The following NAV1 variants were observed in gnomAD, a reference collection of about 807,000 sequenced individuals.
NAV1 encodes neuron navigator 1.
Under a neutral mutation model 175.2 loss-of-function variants are expected in NAV1, and 18 were observed. The observed-to-expected ratio is 0.10, with a 90% confidence interval of 0.07 to 0.15. NAV1 has a LOEUF of 0.15. Ranked by LOEUF, NAV1 falls within the 10% of genes least tolerant of loss-of-function variation. The pLI, the probability that NAV1 is intolerant of heterozygous loss-of-function variation, is 1.00. For missense variants in NAV1, 1,731 were observed against 2,436.6 expected (o/e 0.71, Z 6.10); for synonymous variants, 897 against 978.7 (o/e 0.92, Z 1.56).
intron 1 of NAV1, among the ~76,000 whole-genome samples, chr1:201,711,127 C>A (rs1671887069): frequency 6.6e-6 from 1 of 152,252 alleles, no homozygotes; most frequent in African/African-American, 2.4e-5. Flanking sequence ...GATAAATAGG[C>A]ATTGGCGGCC....
Position 201,577,402 on chromosome 1 carries a change from A to G in NAV1, c.-143-11137A>G, listed in dbSNP as rs1479191673. 4.0e-5 allele frequency among the ~76,000 whole-genome samples: 6 copies of G among 148,382 alleles called. No individual in the cohort carries two copies. The Admixed American group carries it at 4.0e-4, about 10-fold the overall frequency. On this transcript the variant is annotated intron_variant, in intron 1 of 33. Coordinates refer to the NAV1 transcript ENST00000685211. ...TAAAATATTTTTTCCTCAAAGTTTT[A>G]TATTTTTATGTTTCGCATTTAAACA...
intron 2 of NAV1, among the ~76,000 whole-genome samples, chr1:201,609,668 C>A (rs1034629394): frequency 6.6e-6 from 1 of 152,168 alleles, no homozygotes; most frequent in African/African-American, 2.4e-5. Flanking sequence ...GGTCATCTGG[C>A]TGGCGGCTTG....
At chr1:201,696,620 G>T (rs532442119) in intron 1 of NAV1, among the ~76,000 whole-genome samples, 17 of 152,320 alleles carry the variant, frequency 1.1e-4, no homozygotes, top group African/African-American at 4.1e-4. Flanking sequence ...TGCAGTGGAG[G>T]ACAGGCTTCA....
intron 1 of NAV1, among the ~76,000 whole-genome samples, chr1:201,653,679 G>T (rs1289419696): frequency 2.0e-5 from 3 of 152,204 alleles, no homozygotes; most frequent in Non-Finnish European, 4.4e-5. Flanking sequence ...TAGGTGATAT[G>T]TGGAAACTTA....
intron 3 of NAV1, among the ~76,000 whole-genome samples, chr1:201,752,918 T>A (rs1428098600): frequency 6.6e-6 from 1 of 152,162 alleles, no homozygotes; most frequent in Non-Finnish European, 1.5e-5. Context: ...ACCACTGTAA[T>A]TTACATGTTG....
At chr1:201,566,941 CAT>C (rs1282990655) in intron 1 of NAV1, among the ~76,000 whole-genome samples, 9 of 152,068 alleles carry the variant, frequency 5.9e-5, no homozygotes, top group Non-Finnish European at 1.2e-4. Context: ...AATATTATTT[CAT>C]ATGTATGTAC....
chr1:201,812,344 A>T lies in NAV1; in HGVS notation c.5025-121A>T. Reference sequence around the variant, plus strand: ...GTTCCGATGTCCCCACTATTACTTGAAAAGAAACCAAGTAGGCATTAGTGA... The same window carrying T: ...GTTCCGATGTCCCCACTATTACTTGTAAAGAAACCAAGTAGGCATTAGTGA... On this transcript the variant is annotated intron_variant, in intron 26 of 29. Transcript: ENST00000367296. This position sits in a 1 kb window ranked among gnomAD's most constrained non-coding sequence, Gnocchi z 4.6. 1 of 1,001,550 alleles carries T rather than the reference A, an allele frequency of 1.0e-6. No homozygotes were observed. The highest frequency in any genetic ancestry group is 2.5e-5 in the East Asian group (1 of 40,364). 62.0% of individuals were successfully genotyped at this position (1,001,550 alleles called of 1,614,324 possible).
At chr1:201,765,581 G>A (rs1675166045) in intron 3 of NAV1, among the ~76,000 whole-genome samples, 1 of 151,952 alleles carries the variant, frequency 6.6e-6, no homozygotes, top group South Asian at 2.1e-4. Context: ...TTTTAGTAGA[G>A]ACGGGGTTTC....
chr1:201,826,330 T>C (rs1294447857), exon 30 of NAV1: 3 of 152,214 alleles, frequency 2.0e-5, no homozygotes, highest in Non-Finnish European at 4.4e-5. Flanking sequence ...GAAGATGATA[T>C]CAAGGCAGAG....
intron 2 of NAV1, among the ~76,000 whole-genome samples, chr1:201,642,560 C>CTTTCTTT (rs1491393436): frequency 6.1e-5 from 2 of 32,890 alleles, no homozygotes; most frequent in African/African-American, 2.2e-4. Context: ...TTTCTTTTTT[C>CTTTCTTT]CCTTTCTTCC....
At chr1:201,584,603 C>A (rs1225511391) in intron 1 of NAV1, among the ~76,000 whole-genome samples, 1 of 152,198 alleles carries the variant, frequency 6.6e-6, no homozygotes, top group African/African-American at 2.4e-5. Context: ...CTGGTTCCAG[C>A]TTGTGATGTG....
intron 1 of NAV1, among the ~76,000 whole-genome samples, chr1:201,700,354 CATCAGAGAAATGCAA>C (rs1481547623): frequency 9.2e-5 from 14 of 152,170 alleles, no homozygotes; most frequent in Non-Finnish European, 2.1e-4. Flanking sequence ...ATCACTGGGT[CATCAGAGAAATGCAA>C]ATCAAAACCA....
chr1:201,798,695 C>CTCT (rs1243121955), intron 15 of NAV1: 31 of 69,510 alleles, frequency 4.5e-4, no homozygotes, highest in African/African-American at 1.4e-3. Context: ...TTTTCTCTCT[C>CTCT]TTTTTTTTTT....
intron 22 of NAV1, 48 bp from the exon 27 acceptor site, chr1:201,809,898 A>G: frequency 6.5e-7 from 1 of 1,549,418 alleles, no homozygotes; most frequent in South Asian, 1.1e-5. Context: ...TGGCTTTTAC[A>G]CCTGTGTTTG....
intron 2 of NAV1, among the ~76,000 whole-genome samples, chr1:201,642,525 TTTTC>T (rs762452787): frequency 0.035 from 3,562 of 100,398 alleles, 204 homozygotes; most frequent in African/African-American, 0.086. Flanking sequence ...TTCTTTCTTT[TTTTC>T]TTTCTTTCTT....
Position 201,810,646 on chromosome 1 carries a change from C to T in NAV1, c.4685C>T (p.Thr1562Met), listed in dbSNP as rs958041251. ...CTCGTCCTCTCGGGCCCCAGCGGCA[C>T]GGGCAAGACCTACCTGACCAATCGC... Residue 1562 changes from threonine (T) to methionine (M), a missense_variant, in exon 24 of 30, where the codon ACG (threonine) becomes ATG (methionine). Transcript: ENST00000367296. The surrounding 1 kb of genome is among the most constrained non-coding windows in gnomAD (Gnocchi z 6.0). The T allele has an allele frequency of 6.2e-7, 1 of 1,614,172 alleles. No individual in the cohort carries two copies. The highest frequency in any genetic ancestry group is 8.5e-7 in the Non-Finnish European group (1 of 1,180,022).
rs1460881250 is a variant in NAV1, at chr1:201,790,682, T to C, written c.3244-7T>C. ...GCCAGTAGTTTGTATTTCTCTTCCTTTTACAGCAAATCCGGAAGCTTCGTA... is the reference window on the plus strand; with the variant it reads ...GCCAGTAGTTTGTATTTCTCTTCCTCTTACAGCAAATCCGGAAGCTTCGTA... On this transcript the variant is annotated splice_polypyrimidine_tract_variant and splice_region_variant and intron_variant, in intron 12 of 29. Transcript: ENST00000367296. 1 of 1,613,982 alleles carries C rather than the reference T, an allele frequency of 6.2e-7. No individual in the cohort carries two copies. Among genetic ancestry groups the C allele is most frequent in the African/African-American group, 1.3e-5 (1 of 74,900 alleles).
chr1:201,595,183 C>T (rs1318497489), intron 2 of NAV1, among the ~76,000 whole-genome samples: 3 of 152,156 alleles, frequency 2.0e-5, no homozygotes, highest in Non-Finnish European at 4.4e-5. Context: ...AATCTCAGGC[C>T]GAGCTAAGGT....
chr1:201,571,537 G>A (rs931462793), intron 1 of NAV1, among the ~76,000 whole-genome samples: 3 of 152,210 alleles, frequency 2.0e-5, no homozygotes, highest in Admixed American at 6.5e-5. Flanking sequence ...CCCCCACCAT[G>A]ATGAGATCAC....
Sources: allele counts gnomAD v4.1 joint callset (sites outside exome capture counted in the v4.1 genomes callset), GRCh38; gene constraint gnomAD v4.1.1; non-coding constraint Gnocchi (gnomAD v3.1); transcripts MANE v1.5; gene names NCBI Gene and HGNC (gene_info 2026-07-23, HGNC 2026-07-21).